AQP7B: variants seen among roughly 807,000 people sequenced by gnomAD.
AQP7B encodes aquaporin 7B.
chr2:94,588,861 A>G, the AQP7B span, among the ~76,000 whole-genome samples: 1 of 151,580 alleles, frequency 6.6e-6, no homozygotes, highest in Admixed American at 6.6e-5. Flanking sequence ...GGTGAAAAAG[A>G]GCCAGTCCTT....
At chr2:94,602,358 C>T in the AQP7B span, 45 of 854,476 alleles carry the variant, frequency 5.3e-5, no homozygotes, top group African/African-American at 3.3e-4. Context: ...AGGAAGAGGG[C>T]GTGGCAGAGG....
At chr2:94,588,171 C>A in the AQP7B span, among the ~76,000 whole-genome samples, 1 of 152,002 alleles carries the variant, frequency 6.6e-6, no homozygotes. Context: ...AGGTGTAGCA[C>A]GCAAATATGA....
the AQP7B span, among the ~76,000 whole-genome samples, chr2:94,597,618 T>C: frequency 6.6e-6 from 1 of 151,464 alleles, no homozygotes; most frequent in South Asian, 2.1e-4. Flanking sequence ...TTTTGTTTTT[T>C]TTTTTTTGTT....
At chr2:94,603,515 G>A in the AQP7B span, 10 of 1,602,676 alleles carry the variant, frequency 6.2e-6, no homozygotes, top group East Asian at 1.6e-4. Context: ...AGTGGTCCAG[G>A]ATGAGTACCC....
chr2:94,601,561 T>C, the AQP7B span, among the ~76,000 whole-genome samples: 2 of 152,004 alleles, frequency 1.3e-5, no homozygotes. Context: ...GTCTGTGACA[T>C]GTGGAAGTGG....
At chr2:94,598,114 CA>C in the AQP7B span, among the ~76,000 whole-genome samples, 2 of 152,198 alleles carry the variant, frequency 1.3e-5, no homozygotes, top group African/African-American at 4.8e-5. Context: ...GGATTGAAGA[CA>C]GTAGCACTTG....
the AQP7B span, among the ~76,000 whole-genome samples, chr2:94,589,536 A>G: frequency 6.6e-6 from 1 of 152,012 alleles, no homozygotes; most frequent in Admixed American, 6.5e-5. Flanking sequence ...GTTTTTTTCC[A>G]TAGGAGCTGG....
chr2:94,597,953 A>T, the AQP7B span, among the ~76,000 whole-genome samples: 1 of 152,268 alleles, frequency 6.6e-6, no homozygotes, highest in African/African-American at 2.4e-5. Context: ...ACCTTAGCTT[A>T]AATATTGACA....
At chr2:94,594,729 G>A in the AQP7B span, 29 of 1,527,088 alleles carry the variant, frequency 1.9e-5, no homozygotes, top group East Asian at 9.0e-5. Flanking sequence ...CCCTGGGCTC[G>A]GGCCACTGTC....
the AQP7B span, among the ~76,000 whole-genome samples, chr2:94,599,838 G>A: frequency 6.6e-6 from 1 of 151,602 alleles, no homozygotes; most frequent in African/African-American, 2.4e-5. Context: ...AGTTCTCGAA[G>A]AGGAGTCTAC....
the AQP7B span, among the ~76,000 whole-genome samples, chr2:94,591,772 C>A: frequency 6.6e-6 from 1 of 152,144 alleles, no homozygotes; most frequent in Non-Finnish European, 1.5e-5. Context: ...CCCTGCCTCC[C>A]TGGAGGCTCC....
chr2:94,589,190 G>A, the AQP7B span, among the ~76,000 whole-genome samples: 1 of 148,408 alleles, frequency 6.7e-6, no homozygotes, highest in South Asian at 2.2e-4. Flanking sequence ...TGTATTTTTA[G>A]TAGAAATGGG....
chr2:94,604,047 C>T, the AQP7B span: 1 of 733,218 alleles, frequency 1.4e-6, no homozygotes, highest in Admixed American at 2.7e-5. Context: ...CCCAGGTGGC[C>T]TGGGGAGCAG....
At chr2:94,604,623 C>T in the AQP7B span, 8 of 1,491,516 alleles carry the variant, frequency 5.4e-6, no homozygotes, top group Admixed American at 2.0e-5. Flanking sequence ...CAAAGCTTGT[C>T]CCACAGCAGT....
At chr2:94,593,538 T>C in the AQP7B span, among the ~76,000 whole-genome samples, 3 of 145,868 alleles carry the variant, frequency 2.1e-5, no homozygotes, top group African/African-American at 5.1e-5. Context: ...CAGGCTGGAG[T>C]GCAGTGGCAA....
At chr2:94,596,260 G>A in the AQP7B span, among the ~76,000 whole-genome samples, 1 of 152,268 alleles carries the variant, frequency 6.6e-6, no homozygotes, top group Admixed American at 6.5e-5. Flanking sequence ...CAGGCAGGAT[G>A]TGAGGTTGCT....
the AQP7B span, chr2:94,594,899 G>A: frequency 5.6e-5 from 76 of 1,351,082 alleles, 1 homozygote; most frequent in South Asian, 8.6e-4. Flanking sequence ...GCACGAAGTG[G>A]GTGGGGCTCC....
the AQP7B span, among the ~76,000 whole-genome samples, chr2:94,596,563 C>A: frequency 6.6e-6 from 1 of 152,222 alleles, no homozygotes; most frequent in African/African-American, 2.4e-5. Context: ...GGGCAGGTCT[C>A]TCCCTGGCTT....
chr2:94,589,700 G>C, the AQP7B span, among the ~76,000 whole-genome samples: 1 of 151,860 alleles, frequency 6.6e-6, no homozygotes, highest in Admixed American at 6.6e-5. Flanking sequence ...TCTTTCCAGG[G>C]CTTTAGATCC....
Sources: gnomAD v4.1 joint callset for allele counts (sites outside exome capture counted in the v4.1 genomes callset) on GRCh38, gnomAD v4.1.1 for gene constraint, MANE v1.5 for transcripts, NCBI Gene and HGNC (gene_info 2026-07-23, HGNC 2026-07-21) for gene names.